Variants in NRXN1 observed in about 807,000 individuals in gnomAD.
NRXN1 encodes neurexin 1.
In NRXN1, 39 loss-of-function variants were observed where a neutral mutation model predicts 150.9. The ratio of observed to expected loss-of-function variants is 0.26; its 90% CI spans 0.20 to 0.34. The LOEUF (loss-of-function observed/expected upper bound fraction) is 0.34. Among genes scored for constraint, NRXN1 ranks in the 10% least tolerant of loss-of-function variants. The pLI is 1.00. For synonymous variants in NRXN1, 924 were observed against 757.0 expected (o/e 1.22, Z -3.62); for missense variants, 1,815 against 1,949.9 (o/e 0.93, Z 1.30).
intron 18 of NRXN1, among the ~76,000 whole-genome samples, chr2:50,236,107 A>G (rs2065392084): frequency 6.6e-6 from 1 of 152,034 alleles, no homozygotes; most frequent in African/African-American, 2.4e-5. Flanking sequence ...TTCAAAGGAA[A>G]ATGAAGTTTT....
intron 17 of NRXN1, among the ~76,000 whole-genome samples, chr2:50,335,233 C>G (rs1216063010): frequency 6.6e-6 from 1 of 152,144 alleles, no homozygotes; most frequent in African/African-American, 2.4e-5. Flanking sequence ...AATTAAATTA[C>G]AGTTGCTGAG....
At chr2:50,251,907 A>T (rs558159216) in intron 17 of NRXN1, among the ~76,000 whole-genome samples, 198 of 152,190 alleles carry the variant, frequency 1.3e-3, no homozygotes, top group Middle Eastern at 3.4e-3. Context: ...AAATTTGCCC[A>T]GGTTCCTTGT....
chr2:50,588,509 G>T (rs1044668174), intron 8 of NRXN1, among the ~76,000 whole-genome samples: 9 of 152,066 alleles, frequency 5.9e-5, no homozygotes, highest in Non-Finnish European at 8.8e-5. Flanking sequence ...TGACTCCTCC[G>T]ACTTCATCCA....
rs1466847174 is a variant in NRXN1, at chr2:50,735,945, C to G, written c.833-112330G>C. 2.6e-5 allele frequency among the ~76,000 whole-genome samples: 4 copies of G among 152,262 alleles called. No individual in the cohort carries two copies. The East Asian group carries it at 7.7e-4, about 29-fold the overall frequency. ...GCTTTTTAATGGGCTCTCAGACATT[C>G]ACTCCAAAATCCCCTAATCTGTGAA... On this transcript the variant is annotated intron_variant, in intron 5 of 22. Coordinates refer to ENST00000401669, the MANE Select transcript of NRXN1 (RefSeq NM_001330078.2).
chr2:50,532,325 A>C (rs1322152467), intron 10 of NRXN1, among the ~76,000 whole-genome samples: 5 of 151,666 alleles, frequency 3.3e-5, no homozygotes, highest in Non-Finnish European at 5.9e-5. Context: ...TTTTTTTCAT[A>C]ATCTCTGCCC....
intron 17 of NRXN1, among the ~76,000 whole-genome samples, chr2:50,375,443 T>C (rs1367432479): frequency 1.1e-5 from 1 of 94,130 alleles, no homozygotes; most frequent in Non-Finnish European, 2.0e-5. Context: ...TTGCCAAAGA[T>C]TACACGGCTA....
chr2:49,932,589 G>C (rs1361251738), intron 22 of NRXN1, among the ~76,000 whole-genome samples: 3 of 151,872 alleles, frequency 2.0e-5, no homozygotes, highest in African/African-American at 7.3e-5. Context: ...AATAACTTGG[G>C]GGTAAACTTA....
intron 15 of NRXN1, among the ~76,000 whole-genome samples, chr2:50,482,645 G>C (rs1363343993): frequency 6.6e-6 from 1 of 152,154 alleles, no homozygotes; most frequent in Non-Finnish European, 1.5e-5. Context: ...TTGAACCAGA[G>C]TGACTCCATC....
chr2:50,195,015 A>C (rs983409605), intron 18 of NRXN1, among the ~76,000 whole-genome samples: 1 of 152,170 alleles, frequency 6.6e-6, no homozygotes, highest in Non-Finnish European at 1.5e-5. Context: ...CCTGTAGATG[A>C]AAGATTTACA....
At chr2:50,199,317 T>A (rs1340723595) in intron 18 of NRXN1, 1 of 152,046 alleles carries the variant, frequency 6.6e-6, no homozygotes, top group Non-Finnish European at 1.5e-5. Context: ...AAAAATAGTA[T>A]TTTAGAAATC....
intron 17 of NRXN1, among the ~76,000 whole-genome samples, chr2:50,327,869 C>T (rs771919296): frequency 5.3e-5 from 8 of 152,010 alleles, no homozygotes; most frequent in Non-Finnish European, 1.0e-4. Context: ...AGGCTGGTCG[C>T]GAACTCCTGA....
At chr2:50,736,721 C>T (rs1272461100) in intron 5 of NRXN1, among the ~76,000 whole-genome samples, 1 of 152,014 alleles carries the variant, frequency 6.6e-6, no homozygotes, top group Non-Finnish European at 1.5e-5. Flanking sequence ...TGAGGCCTCT[C>T]CAGACATGTG....
chr2:49,990,023 C>T (rs778606989), intron 21 of NRXN1, among the ~76,000 whole-genome samples: 1 of 151,826 alleles, frequency 6.6e-6, no homozygotes, highest in African/African-American at 2.4e-5. Flanking sequence ...GCTGAGGCCT[C>T]ACTTACGGAT....
At chr2:50,847,809 A>G (rs1029388226) in intron 5 of NRXN1, among the ~76,000 whole-genome samples, 1 of 151,976 alleles carries the variant, frequency 6.6e-6, no homozygotes, top group African/African-American at 2.4e-5. Context: ...GCCGTCCACC[A>G]TCGAAAGGTG....
chr2:50,207,350 C>G (rs779690874), intron 18 of NRXN1, among the ~76,000 whole-genome samples: 1 of 151,970 alleles, frequency 6.6e-6, no homozygotes, highest in Non-Finnish European at 1.5e-5. Context: ...TAAAAGAATA[C>G]CTCTGTAACT....
In NRXN1 at chr2:50,075,798, A is replaced by G. The variant is rs952250919; in HGVS notation, c.3718+15525T>C. On this transcript the variant is annotated intron_variant, in intron 19 of 22. Coordinates refer to ENST00000401669, the MANE Select transcript of NRXN1 (RefSeq NM_001330078.2). ...ATCCCAACGTGCTTGGTGACAAAGG[A>G]AAAAAAAAACAGCTCTACTTTCAGG... 5.7e-4 allele frequency among the ~76,000 whole-genome samples: 7 copies of G among 12,230 alleles called. No individual in the cohort carries two copies. In the African/African-American group the frequency reaches 7.2e-3, roughly 13 times the overall value. The allele number at this position is 12,230 out of a possible 152,430, so 8.0% of individuals were successfully genotyped here.
chr2:50,939,474 A>C (rs745468673), intron 2 of NRXN1, among the ~76,000 whole-genome samples: 1 of 151,984 alleles, frequency 6.6e-6, no homozygotes, highest in Non-Finnish European at 1.5e-5. Flanking sequence ...AAAATATGTC[A>C]AACTTAAACC....
intron 15 of NRXN1, among the ~76,000 whole-genome samples, chr2:50,481,736 T>C (rs1360464755): frequency 1.3e-5 from 2 of 150,694 alleles, no homozygotes; most frequent in Non-Finnish European, 3.0e-5. Flanking sequence ...CATATAATTC[T>C]TTCAATATTC....
At chr2:50,778,716 G>A (rs920616096) in intron 5 of NRXN1, among the ~76,000 whole-genome samples, 1 of 152,134 alleles carries the variant, frequency 6.6e-6, no homozygotes, top group East Asian at 1.9e-4. Flanking sequence ...GTTGTTTCAA[G>A]AATATCCTGC....
Sources: gnomAD v4.1 joint callset for allele counts (sites outside exome capture counted in the v4.1 genomes callset) on GRCh38, gnomAD v4.1.1 for gene constraint, MANE v1.5 for transcripts, NCBI Gene and HGNC (gene_info 2026-07-23, HGNC 2026-07-21) for gene names.